Variants in SLC30A8 observed in about 807,000 individuals in gnomAD.
The protein encoded by SLC30A8 is proton-coupled zinc antiporter SLC30A8.
SLC30A8 carries 27 observed loss-of-function variants against 36.9 expected under a neutral mutation model. The ratio of observed to expected loss-of-function variants is 0.73; its 90% CI spans 0.54 to 1.01. The LOEUF (loss-of-function observed/expected upper bound fraction) is 1.01. SLC30A8 is among the 50% of genes least tolerant of loss of function. SLC30A8 has a pLI of 0.00. For synonymous variants in SLC30A8, 164 were observed against 172.4 expected, an observed-to-expected ratio of 0.95 and a Z score of 0.38; for missense variants, 439 against 452.0, an observed-to-expected ratio of 0.97 and a Z score of 0.26.
chr8:117,098,212 G>C (rs114564080), intron 2 of SLC30A8, among the ~76,000 whole-genome samples: 4,922 of 150,894 alleles, frequency 0.033, 189 homozygotes, highest in African/African-American at 0.096. Context: ...AGAATTTAAG[G>C]TGACGGTCAT....
At position 117,107,110 on chromosome 8, in the gene SLC30A8, A is replaced by G. The variant is rs548720973; in HGVS notation, c.-225-28170A>G. 8.3e-4 allele frequency among the ~76,000 whole-genome samples: 127 copies of G among 152,284 alleles called. 1 individual carries two copies. The highest frequency in any genetic ancestry group is 1.3e-3 in the Non-Finnish European group (91 of 68,018). The stretch of plus-strand genomic sequence containing the variant: ...GACTATTGATCTATTTTCTTATACT[A>G]GTGAACTTCCTTTGTTCATTTGCAC... On this transcript the variant is annotated intron_variant, in intron 2 of 10. Coordinates refer to the SLC30A8 transcript ENST00000427715.
At chr8:116,951,315 CTTTA>C in intron 1 of SLC30A8, among the ~76,000 whole-genome samples, 1 of 152,240 alleles carries the variant, frequency 6.6e-6, no homozygotes, top group East Asian at 1.9e-4. Context: ...AAAGGTTGAG[CTTTA>C]TTTAAAGTGT....
At chr8:117,002,356 A>C (rs929153244) in intron 1 of SLC30A8, among the ~76,000 whole-genome samples, 3 of 152,168 alleles carry the variant, frequency 2.0e-5, no homozygotes, top group African/African-American at 7.2e-5. Flanking sequence ...TCTGTTACAA[A>C]TTACATGCCT....
chr8:117,175,951 G>A lies in SLC30A8; in HGVS notation c.*3270G>A, dbSNP rs1823659608. 1 of 152,012 alleles carries A rather than the reference G, an allele frequency of 6.6e-6. No individual in the cohort carries two copies. The highest frequency in any genetic ancestry group is 1.5e-5 in the Non-Finnish European group (1 of 67,994). The allele number at this position is 152,012 out of a possible 1,614,324, so 9.4% of individuals were successfully genotyped here. On this transcript the variant is annotated 3_prime_UTR_variant, in exon 8 of 8. Coordinates refer to ENST00000456015, the MANE Select transcript of SLC30A8 (RefSeq NM_173851.3). Reference sequence around the variant, plus strand: ...TCTGAAAGCTTCCGCTTTTATCTTTGAAGAGCAGAATTGTCACTCCAAGGA... The same window carrying A: ...TCTGAAAGCTTCCGCTTTTATCTTTAAAGAGCAGAATTGTCACTCCAAGGA...
In SLC30A8 at chr8:117,106,142, A is replaced by G. The variant is rs544813821; in HGVS notation, c.-225-29138A>G. ...TAGGGAGAGGAAAATGGTTTTATAA[A>G]TTAGTGCTTTCTGGGATAAAGGAAA... On this transcript the variant is annotated intron_variant, in intron 2 of 10. Coordinates refer to the SLC30A8 transcript ENST00000427715. Among the ~76,000 whole-genome samples, 3 of 152,332 alleles carry G rather than the reference A, an allele frequency of 2.0e-5. No individual in the cohort carries two copies. The South Asian group carries it at 6.2e-4, about 32-fold the overall frequency.
chr8:117,007,212 C>A (rs1407975322), intron 1 of SLC30A8: 1 of 151,928 alleles, frequency 6.6e-6, no homozygotes, highest in African/African-American at 2.4e-5. Flanking sequence ...TCTTACTTAT[C>A]ATACAAGTAA....
chr8:117,004,527 C>T (rs1260632020), intron 1 of SLC30A8, among the ~76,000 whole-genome samples: 1 of 151,904 alleles, frequency 6.6e-6, no homozygotes, highest in East Asian at 1.9e-4. Context: ...GTGTCCCTGT[C>T]TATATGGACA....
intron 1 of SLC30A8, among the ~76,000 whole-genome samples, chr8:116,968,536 C>T (rs1355969137): frequency 2.0e-5 from 3 of 151,734 alleles, no homozygotes; most frequent in Non-Finnish European, 2.9e-5. Flanking sequence ...TCTGCAGGAA[C>T]TTGGAAGATT....
intron 1 of SLC30A8, among the ~76,000 whole-genome samples, chr8:117,027,613 G>A (rs1816913112): frequency 6.6e-6 from 1 of 152,162 alleles, no homozygotes; most frequent in African/African-American, 2.4e-5. Flanking sequence ...AGAAATGAAT[G>A]TCTGCTTTAG....
chr8:117,038,471 T>G (rs1416441529), intron 1 of SLC30A8, among the ~76,000 whole-genome samples: 3 of 152,218 alleles, frequency 2.0e-5, no homozygotes, highest in Non-Finnish European at 4.4e-5. Context: ...TTTTATTTCT[T>G]GATTGTATAG....
intron 2 of SLC30A8, among the ~76,000 whole-genome samples, chr8:117,099,990 G>A (rs958431489): frequency 1.3e-5 from 2 of 152,134 alleles, no homozygotes; most frequent in East Asian, 1.9e-4. Context: ...GTGCTATAAA[G>A]TAATGGGAAC....
At chr8:117,066,670 A>G (rs994074490) in intron 2 of SLC30A8, among the ~76,000 whole-genome samples, 1 of 152,140 alleles carries the variant, frequency 6.6e-6, no homozygotes, top group Non-Finnish European at 1.5e-5. Flanking sequence ...AATCAGTGTT[A>G]GGGAGATCCA....
intron 2 of SLC30A8, among the ~76,000 whole-genome samples, chr8:117,150,076 T>C (rs1435992123): frequency 1.3e-5 from 2 of 152,242 alleles, no homozygotes; most frequent in Non-Finnish European, 2.9e-5. Flanking sequence ...GAATCCATTT[T>C]ATTTTCTTAT....
intron 1 of SLC30A8, among the ~76,000 whole-genome samples, chr8:116,988,224 G>C (rs1367971457): frequency 6.6e-6 from 1 of 152,008 alleles, no homozygotes. Context: ...GGCATTTTGG[G>C]GGCAATATCT....
chr8:116,993,147 G>A (rs1299164716), intron 1 of SLC30A8, among the ~76,000 whole-genome samples: 1 of 151,318 alleles, frequency 6.6e-6, no homozygotes, highest in Admixed American at 6.6e-5. Context: ...GCAACTCTGA[G>A]AGGCTTAGTA....
rs193187771 is a variant in SLC30A8, at chr8:117,029,714, G to C, written c.-265-9505G>C. On this transcript the variant is annotated intron_variant, in intron 1 of 10. Coordinates refer to the SLC30A8 transcript ENST00000427715. ...TACAAACAAGTAGATTACAGGAATT[G>C]AACAGAAAACTGATGTTGAGACAGT... Among the ~76,000 whole-genome samples the C allele has an allele frequency of 9.1e-4, 138 of 152,274 alleles. 1 individual carries two copies. The highest frequency in any genetic ancestry group is 3.3e-3 in the African/African-American group (136 of 41,560).
chr8:116,964,910 A>G (rs1017428740), intron 1 of SLC30A8, among the ~76,000 whole-genome samples: 6 of 152,146 alleles, frequency 3.9e-5, no homozygotes, highest in African/African-American at 1.2e-4. Context: ...AGATCCTTAC[A>G]ACAACCATGT....
rs201035847 is a variant in SLC30A8, at chr8:117,176,159, CACTT to C, written c.*3484_*3487del. 3,577 of 152,226 alleles carry C rather than the reference CACTT, an allele frequency of 0.023. 52 individuals carry two copies. The highest frequency in any genetic ancestry group is 0.082 in the Middle Eastern group (24 of 294). 9.4% of individuals were successfully genotyped at this position (152,226 alleles called of 1,614,324 possible). On this transcript the variant is annotated 3_prime_UTR_variant, in exon 8 of 8. Transcript: ENST00000456015. ...TAAATTGCCAGTGGCAAATTTGGAT[CACTT>C]ACTTAATATCTGTTAAATTTTGTGA...
At chr8:117,019,395 T>C (rs978610561) in intron 1 of SLC30A8, among the ~76,000 whole-genome samples, 2 of 140,686 alleles carry the variant, frequency 1.4e-5, no homozygotes, top group Non-Finnish European at 3.3e-5. Flanking sequence ...TTGAGCACTT[T>C]CCTTATCATT....
Sources: allele counts gnomAD v4.1 joint callset (sites outside exome capture counted in the v4.1 genomes callset), GRCh38; gene constraint gnomAD v4.1.1; transcripts MANE v1.5; gene names NCBI Gene and HGNC (gene_info 2026-07-23, HGNC 2026-07-21).